The following PML variants were observed in gnomAD, a reference collection of about 807,000 sequenced individuals.
The protein encoded by PML is PML nuclear body scaffold, also known as protein PML.
A neutral mutation model predicts 65.2 loss-of-function variants in PML; 28 were observed. The ratio of observed to expected loss-of-function variants is 0.43; its 90% CI spans 0.32 to 0.59. The LOEUF (loss-of-function observed/expected upper bound fraction) is 0.59, where lower values mean the gene tolerates loss of function less well. Ranked by LOEUF, PML falls within the 20% of genes least tolerant of loss-of-function variation. PML has a pLI of 0.08. For missense variants in PML, 1,021 were observed against 1,203.4 expected (o/e 0.85, Z 2.24); for synonymous variants, 500 against 508.8 (o/e 0.98, Z 0.23).
At chr15:74,006,773 G>A (rs927707056) in intron 2 of PML, among the ~76,000 whole-genome samples, 1 of 152,200 alleles carries the variant, frequency 6.6e-6, no homozygotes, top group South Asian at 2.1e-4. Flanking sequence ...GAGGCTGCAG[G>A]TAGGTTTTAC....
chr15:74,046,320 G>A lies in PML; in HGVS notation c.*1312G>A, dbSNP rs1283374208. 3 of 233,264 alleles carry A rather than the reference G, an allele frequency of 1.3e-5. No individual in the cohort carries two copies. Among genetic ancestry groups the A allele is most frequent in the Non-Finnish European group, 1.7e-5 (2 of 118,038 alleles). 14.4% of individuals were successfully genotyped at this position (233,264 alleles called of 1,614,324 possible). On this transcript the variant is annotated 3_prime_UTR_variant, in exon 9 of 9. Transcript: ENST00000268058. Reference sequence around the variant, plus strand: ...GGTTGTCCGCTCTGATTAGCAGAACGACAGCCCCTTCCTCCTCCTCCCTCC... The same window carrying A: ...GGTTGTCCGCTCTGATTAGCAGAACAACAGCCCCTTCCTCCTCCTCCCTCC...
chr15:74,043,384 A>C lies in PML; in HGVS notation c.1861+245A>C. ...GAGAGGCAGATGCCTCCACAAGTGC[A>C]CCTCTGACCAGTTCTTCTCTCAGAC... On this transcript the variant is annotated intron_variant, in intron 8 of 8. Coordinates refer to ENST00000268058, the MANE Select transcript of PML (RefSeq NM_033238.3). This position sits in a 1 kb window ranked among gnomAD's most constrained non-coding sequence, Gnocchi z 4.3. 7.0e-7 allele frequency: 1 copy of C among 1,431,646 alleles called. No homozygotes were observed. The allele number at this position is 1,431,646 out of a possible 1,614,324, so 88.7% of individuals were successfully genotyped here. A position where few individuals can be genotyped will look rare whatever the true frequency, so the allele number is the denominator to read the frequency against.
At chr15:74,033,518 G>C in intron 6 of PML, 104 bp downstream of exon 6, 1 of 1,249,858 alleles carries the variant, frequency 8.0e-7, no homozygotes, top group Non-Finnish European at 1.2e-6. Context: ...AAGCCAACAG[G>C]AGTCCCTTAT....
At chr15:73,997,337 C>T (rs2069557435) in intron 1 of PML, among the ~76,000 whole-genome samples, 1 of 152,220 alleles carries the variant, frequency 6.6e-6, no homozygotes, top group South Asian at 2.1e-4. Flanking sequence ...CAGAATCATA[C>T]AGTGTTTGAC....
intron 4 of PML, chr15:74,026,456 C>T (rs1343645226): frequency 6.6e-6 from 1 of 152,174 alleles, no homozygotes; most frequent in Non-Finnish European, 1.5e-5. Context: ...AGGCGTGAGC[C>T]ACTGTGCCCA....
At chr15:74,012,794 A>C (rs1022254891) in intron 2 of PML, among the ~76,000 whole-genome samples, 9 of 150,114 alleles carry the variant, frequency 6.0e-5, no homozygotes, top group Admixed American at 1.3e-4. Flanking sequence ...ATTTTGATTG[A>C]GCTCTTAATT....
intron 2 of PML, among the ~76,000 whole-genome samples, chr15:74,022,170 A>T (rs1207757697): frequency 6.6e-6 from 1 of 152,122 alleles, no homozygotes; most frequent in Non-Finnish European, 1.5e-5. Flanking sequence ...TTGGTCAGGC[A>T]GGTCTTGAAC....
rs2071740195 is a variant in PML, at chr15:74,043,841, T to C, written c.1862-380T>C. ...GACTGGGCTGGGGTCCTTGAGGGGA[T>C]TGGAGGAAGGAGCATGGGATGGAGA... is the stretch of plus-strand genomic sequence containing the variant. On this transcript the variant is annotated intron_variant, in intron 8 of 8. Coordinates refer to ENST00000268058, the MANE Select transcript of PML (RefSeq NM_033238.3). This position sits in a 1 kb window ranked among gnomAD's most constrained non-coding sequence, Gnocchi z 4.3. The C allele has an allele frequency of 9.9e-5, 52 of 522,896 alleles. No individual in the cohort carries two copies. The highest frequency in any genetic ancestry group is 7.3e-4 in the South Asian group (49 of 67,386). 32.4% of individuals were successfully genotyped at this position (522,896 alleles called of 1,614,324 possible).
intron 2 of PML, 145 bp from the exon 3 acceptor site, chr15:74,022,683 C>T (rs2070892224): frequency 1.3e-6 from 1 of 747,612 alleles, no homozygotes; most frequent in Non-Finnish European, 2.3e-6. Context: ...ACCATAACCA[C>T]AAACACTGAA....
intron 2 of PML, among the ~76,000 whole-genome samples, chr15:74,004,145 T>G (rs1478588940): frequency 6.6e-6 from 1 of 152,202 alleles, no homozygotes; most frequent in African/African-American, 2.4e-5. Flanking sequence ...GGTCTCACTC[T>G]GTCACCCAGG....
In PML at chr15:74,032,661, G is replaced by A; in HGVS notation, c.1344G>A (p.Gly448=). The A allele has an allele frequency of 6.2e-7, 1 of 1,614,228 alleles. No individual in the cohort carries two copies. The highest frequency in any genetic ancestry group is 8.5e-7 in the Non-Finnish European group (1 of 1,180,024). The change falls in exon 5 of 9, where the codon GGG becomes GGA. Residue 448 remains glycine, a synonymous_variant. Transcript: ENST00000268058. The part of the protein sequence containing the change: ...QPMAVVQSVP[G]AHPVPVYAFS... The stretch of plus-strand genomic sequence containing the variant: ...TGGCTGTGGTACAGTCAGTGCCCGG[G>A]GCACACCCCGTGCCAGTGTACGCCT...
intron 2 of PML, among the ~76,000 whole-genome samples, chr15:74,012,357 G>T (rs1023484240): frequency 1.3e-5 from 2 of 152,206 alleles, no homozygotes; most frequent in Non-Finnish European, 1.5e-5. Context: ...TGTGTTTTTA[G>T]TAGAGACAGG....
chr15:74,042,853 C>G lies in PML; in HGVS notation c.1711-136C>G. 2 of 1,563,168 alleles carry G rather than the reference C, an allele frequency of 1.3e-6. No individual in the cohort carries two copies. The highest frequency in any genetic ancestry group is 1.7e-6 in the Non-Finnish European group (2 of 1,161,128). ...ATGCACACATACCTTCTCTTGTGCACACGTCCCCTTTCCCAGTGGTACACC... is the reference window on the plus strand; with the variant it reads ...ATGCACACATACCTTCTCTTGTGCAGACGTCCCCTTTCCCAGTGGTACACC... On this transcript the variant is annotated intron_variant, in intron 7 of 8. Coordinates refer to ENST00000268058, the MANE Select transcript of PML (RefSeq NM_033238.3). The surrounding 1 kb of genome is among the most constrained non-coding windows in gnomAD (Gnocchi z 5.3).
chr15:74,033,190 A>C lies in PML; in HGVS notation c.1433A>C (p.Lys478Thr), dbSNP rs774573419. 15 of 1,614,174 alleles carry C rather than the reference A, an allele frequency of 9.3e-6. No homozygotes were observed. Among genetic ancestry groups the C allele is most frequent in the Non-Finnish European group, 1.3e-5 (15 of 1,180,008 alleles). The stretch of plus-strand genomic sequence containing the variant: ...AATACAACGACAGCCCAGAAGAGGA[A>C]GTGCAGCCAGACCCAGTGCCCCAGG... ...VSNTTTAQKR[K>T]CSQTQCPRKV... is the part of the protein sequence containing the mutation. Residue 478 changes from lysine to threonine, a missense_variant, in exon 6 of 9, where the codon AAG (lysine) becomes ACG (threonine). Lys to Thr is a moderately conservative substitution (Grantham distance 78). Transcript: ENST00000268058.
Position 74,024,879 on chromosome 15 carries a change from C to G in PML, c.1206C>G (p.Ala402=). ...QGKDAAVSKK[A]SPEAASTPRD... ...CAGATGCAGCTGTATCCAAGAAAGC[C>G]AGCCCAGAGGCTGCCAGCACTCCCA... is the stretch of plus-strand genomic sequence containing the variant. Residue 402 remains alanine, a synonymous_variant, in exon 4 of 9, where the codon GCC becomes GCG. Transcript: ENST00000268058. 5 of 1,613,950 alleles carry G rather than the reference C, an allele frequency of 3.1e-6. No individual in the cohort carries two copies. Among genetic ancestry groups the G allele is most frequent in the Non-Finnish European group, 4.2e-6 (5 of 1,179,850 alleles).
intron 2 of PML, among the ~76,000 whole-genome samples, chr15:73,998,872 A>G (rs1273814494): frequency 2.6e-5 from 4 of 152,202 alleles, no homozygotes; most frequent in Non-Finnish European, 5.9e-5. Flanking sequence ...GAATCTCAGT[A>G]AGGCTGGATT....
At position 74,035,387 on chromosome 15, in the gene PML, T is replaced by C. The variant is rs1008190376; in HGVS notation, c.1710+857T>C. On this transcript the variant is annotated intron_variant, in intron 7 of 8. Coordinates refer to ENST00000268058, the MANE Select transcript of PML (RefSeq NM_033238.3). This position sits in a 1 kb window ranked among gnomAD's most constrained non-coding sequence, Gnocchi z 4.1. ...CCGATGCTGAGCCTCACAGCGAGCC[T>C]CCTGATCACCAGGAGCGCCCTGCCG... The C allele has an allele frequency of 3.1e-6, 5 of 1,611,540 alleles. No homozygotes were observed. Among genetic ancestry groups the C allele is most frequent in the Admixed American group, 1.7e-5 (1 of 59,978 alleles).
chr15:74,022,695 T>C, intron 2 of PML, 133 bp from the exon 3 acceptor site: 5 of 783,122 alleles, frequency 6.4e-6, no homozygotes, highest in Non-Finnish European at 4.4e-6. Context: ...AACACTGAAT[T>C]AGGAAAAGCA....
rs1459412089 is a variant in PML at position 74,004,720 on chromosome 15, T to G, written c.602+6244T>G. On this transcript the variant is annotated intron_variant, in intron 2 of 8. Coordinates refer to ENST00000268058, the MANE Select transcript of PML (RefSeq NM_033238.3). ...AGGGAAATTGTATTCTGCTTTTTAATTTTTTTTTTTTTTTTGAGATAGAGT... is the reference window on the plus strand; with the variant it reads ...AGGGAAATTGTATTCTGCTTTTTAAGTTTTTTTTTTTTTTTGAGATAGAGT... 2.1e-5 allele frequency among the ~76,000 whole-genome samples: 3 copies of G among 140,732 alleles called. No individual in the cohort carries two copies. In the East Asian group the frequency reaches 6.0e-4, roughly 28 times the overall value. 92.3% of individuals were successfully genotyped at this position (140,732 alleles called of 152,430 possible).
Sources: gnomAD v4.1 joint callset for allele counts (sites outside exome capture counted in the v4.1 genomes callset) on GRCh38, gnomAD v4.1.1 for gene constraint, Gnocchi (gnomAD v3.1) non-coding constraint, MANE v1.5 for transcripts, NCBI Gene and HGNC (gene_info 2026-07-23, HGNC 2026-07-21) for gene names.